The following DLGAP2 variants were observed in gnomAD, a reference collection of about 807,000 sequenced individuals.
The protein encoded by DLGAP2 is disks large-associated protein 2.
DLGAP2 carries 26 observed loss-of-function variants against 100.3 expected under a neutral mutation model. The ratio of observed to expected loss-of-function variants is 0.26; its 90% confidence interval spans 0.19 to 0.36. The LOEUF (loss-of-function observed/expected upper bound fraction) is 0.36, where lower values mean the gene tolerates loss of function less well. DLGAP2 is among the 10% of genes least tolerant of loss of function. The pLI is 1.00. For synonymous variants in DLGAP2, 886 were observed against 630.1 expected (o/e 1.41, Z -6.08); for missense variants, 1,858 against 1,453.2 (o/e 1.28, Z -4.53).
chr8:1,707,209 A>G lies in DLGAP2; in HGVS notation c.*5803A>G, dbSNP rs887727940. On this transcript the variant is annotated 3_prime_UTR_variant, in exon 15 of 15. Coordinates refer to ENST00000637795, the MANE Select transcript of DLGAP2 (RefSeq NM_001346810.2). Reference sequence around the variant, plus strand: ...GAAAGCCTTGGGCATCCAAGCTTTCACCTACTCAATGGAGGAGAGGTGATA... The same window carrying G: ...GAAAGCCTTGGGCATCCAAGCTTTCGCCTACTCAATGGAGGAGAGGTGATA... 6.6e-6 allele frequency: 1 copy of G among 152,634 alleles called. No individual in the cohort carries two copies. The highest frequency in any genetic ancestry group is 1.5e-5 in the Non-Finnish European group (1 of 68,046). 9.5% of individuals were successfully genotyped at this position (152,634 alleles called of 1,614,324 possible).
At chr8:1,617,799 C>G (rs193095865) in intron 6 of DLGAP2, among the ~76,000 whole-genome samples, 17 of 152,250 alleles carry the variant, frequency 1.1e-4, no homozygotes, top group African/African-American at 3.4e-4. Flanking sequence ...ACAGCCAATA[C>G]GAGCTAAAGC....
intron 1 of DLGAP2, among the ~76,000 whole-genome samples, chr8:787,576 G>T (rs560895097): frequency 6.6e-6 from 1 of 152,332 alleles, no homozygotes; most frequent in East Asian, 1.9e-4. Context: ...AGCCTTACTT[G>T]GTGAGGTCAG....
In DLGAP2 at chr8:1,095,918, G is replaced by C. The variant is rs537261659; in HGVS notation, c.74-162933G>C. On this transcript the variant is annotated intron_variant, in intron 2 of 14. Transcript: ENST00000637795. The stretch of plus-strand genomic sequence containing the variant: ...ATGCATGCTCTTCCCTAGAGAACAG[G>C]CTCTGGGTGAATTTGACACCAAAAC... Among the ~76,000 whole-genome samples the C allele has an allele frequency of 3.2e-4, 49 of 152,268 alleles. 1 individual carries two copies. Among genetic ancestry groups the C allele is most frequent in the Middle Eastern group, 3.4e-3 (1 of 294 alleles).
intron 10 of DLGAP2, among the ~76,000 whole-genome samples, chr8:1,671,441 G>C (rs62483123): frequency 0.19 from 28,423 of 152,124 alleles, 2,846 homozygotes; most frequent in South Asian, 0.28. Context: ...AATGAACAGC[G>C]TCCACGTCAC....
chr8:1,436,117 G>T (rs966708974), intron 3 of DLGAP2, among the ~76,000 whole-genome samples: 2 of 152,124 alleles, frequency 1.3e-5, no homozygotes, highest in Admixed American at 1.3e-4. Context: ...TTATTGAGGA[G>T]AATTGACTCA....
intron 2 of DLGAP2, among the ~76,000 whole-genome samples, chr8:1,085,832 G>A (rs190753123): frequency 1.9e-3 from 286 of 152,210 alleles, no homozygotes; most frequent in Non-Finnish European, 3.2e-3. Flanking sequence ...AATAGTGCTT[G>A]TACTGAATCT....
At chr8:872,933 A>C (rs2174096) in intron 1 of DLGAP2, among the ~76,000 whole-genome samples, 1,811 of 152,290 alleles carry the variant, frequency 0.012, 40 homozygotes, top group African/African-American at 0.042. Context: ...CCCTGATGGC[A>C]AAAGGCTATT....
At chr8:758,648 A>G (rs555346489) in intron 1 of DLGAP2, among the ~76,000 whole-genome samples, 9 of 152,158 alleles carry the variant, frequency 5.9e-5, no homozygotes, top group Admixed American at 2.6e-4. Context: ...TGCAGCTTCA[A>G]CCACCTGGGC....
intron 1 of DLGAP2, among the ~76,000 whole-genome samples, chr8:810,750 C>G (rs567752398): frequency 5.9e-5 from 9 of 152,212 alleles, no homozygotes; most frequent in Non-Finnish European, 1.3e-4. Context: ...GAATCAGTTC[C>G]TTCATCTTAT....
chr8:1,234,639 A>T (rs1417759707), intron 2 of DLGAP2, among the ~76,000 whole-genome samples: 1 of 152,176 alleles, frequency 6.6e-6, no homozygotes, highest in Non-Finnish European at 1.5e-5. Context: ...GCTCTAAAAT[A>T]ATCCCGTCTC....
At chr8:1,545,391 C>T (rs948447588) in intron 4 of DLGAP2, among the ~76,000 whole-genome samples, 2 of 152,136 alleles carry the variant, frequency 1.3e-5, no homozygotes, top group Non-Finnish European at 2.9e-5. Flanking sequence ...AACAGTAAGA[C>T]GTGCATTTAC....
intron 2 of DLGAP2, among the ~76,000 whole-genome samples, chr8:1,077,913 C>T (rs765876909): frequency 2.0e-5 from 3 of 152,180 alleles, no homozygotes; most frequent in Non-Finnish European, 2.9e-5. Flanking sequence ...CAGCGGCCGC[C>T]GCACAGCCCT....
intron 2 of DLGAP2, among the ~76,000 whole-genome samples, chr8:1,242,131 A>G (rs1221356226): frequency 6.6e-6 from 1 of 152,228 alleles, no homozygotes; most frequent in Non-Finnish European, 1.5e-5. Context: ...CAGAAATCCC[A>G]TAGCTTATAT....
chr8:860,754 T>C (rs1342077766), intron 1 of DLGAP2, among the ~76,000 whole-genome samples: 1 of 152,230 alleles, frequency 6.6e-6, no homozygotes, highest in Non-Finnish European at 1.5e-5. Context: ...GCATGCTTCT[T>C]GGTGATGGAG....
intron 3 of DLGAP2, among the ~76,000 whole-genome samples, chr8:1,336,157 C>T (rs1801268353): frequency 6.6e-6 from 1 of 152,260 alleles, no homozygotes; most frequent in African/African-American, 2.4e-5. Flanking sequence ...TCCCTCCTTT[C>T]TGTGGATTCG....
intron 3 of DLGAP2, among the ~76,000 whole-genome samples, chr8:1,492,671 G>C (rs981696035): frequency 2.0e-5 from 3 of 152,178 alleles, no homozygotes; most frequent in Admixed American, 6.5e-5. Context: ...CCTCCTCACA[G>C]CCGGAGGCAG....
At chr8:1,422,401 G>A (rs932866234) in intron 3 of DLGAP2, among the ~76,000 whole-genome samples, 2 of 152,164 alleles carry the variant, frequency 1.3e-5, no homozygotes, top group African/African-American at 4.8e-5. Context: ...ACACGCTTGT[G>A]TATATGTAGG....
chr8:1,542,520 C>G (rs568846725), intron 4 of DLGAP2, among the ~76,000 whole-genome samples: 30 of 152,288 alleles, frequency 2.0e-4, no homozygotes, highest in African/African-American at 7.0e-4. Context: ...TGGCTTCTTT[C>G]CCATGGCATA....
intron 2 of DLGAP2, among the ~76,000 whole-genome samples, chr8:1,127,986 A>G (rs542952604): frequency 7.0e-4 from 106 of 152,376 alleles, no homozygotes; most frequent in African/African-American, 2.5e-3. Flanking sequence ...AATGTAAAAC[A>G]AAGTAAACCA....
Sources: gnomAD v4.1 joint callset for allele counts (sites outside exome capture counted in the v4.1 genomes callset) on GRCh38, gnomAD v4.1.1 for gene constraint, MANE v1.5 for transcripts, NCBI Gene and HGNC (gene_info 2026-07-23, HGNC 2026-07-21) for gene names.